The following DEXI variants were observed in gnomAD, a reference collection of about 807,000 sequenced individuals.
DEXI encodes dexamethasone-induced protein.
A neutral mutation model predicts 2.5 loss-of-function variants in DEXI; 2 were observed. The observed-to-expected ratio is 0.81, with a 90% CI of 0.33 to 2.55. DEXI has a LOEUF of 2.55. DEXI is among the 30% of genes most tolerant of loss of function. The pLI is 0.11. For synonymous variants in DEXI, 71 were observed against 68.7 expected (o/e 1.03, Z -0.17); for missense variants, 108 against 130.3 (o/e 0.83, Z 0.83).
rs1341189867 is a variant in DEXI, at chr16:10,929,221, A to G, written c.*488T>C. 4 of 985,700 alleles carry G rather than the reference A, an allele frequency of 4.1e-6. No individual in the cohort carries two copies. The African/African-American group carries it at 7.0e-5, about 17-fold the overall frequency. The allele number at this position is 985,700 out of a possible 1,614,324, so 61.1% of individuals were successfully genotyped here. On this transcript the variant is annotated 3_prime_UTR_variant, in exon 2 of 2. Transcript: ENST00000331808. The surrounding 1 kb of genome is among the most constrained non-coding windows in gnomAD (Gnocchi z 4.3). Reference sequence around the variant, plus strand: ...TGGCCTGAAGGCTCAACTCACATCAAACGGAGCTGGGAGTCGCTTTTGCGT... The same window carrying G: ...TGGCCTGAAGGCTCAACTCACATCAGACGGAGCTGGGAGTCGCTTTTGCGT...
chr16:10,941,601 G>C lies in DEXI; in HGVS notation c.*117C>G. On this transcript the variant is annotated 3_prime_UTR_variant, in exon 1 of 2. Transcript: ENST00000331808. This position sits in a 1 kb window ranked among gnomAD's most constrained non-coding sequence, Gnocchi z 6.4. ...GGAGGCAGGGGAGGGTCTCCTCCTG[G>C]GGAACCATCCCCGTCCAGATGGTGC... 6.7e-7 allele frequency: 1 copy of C among 1,487,450 alleles called. No individual in the cohort carries two copies. Among genetic ancestry groups the C allele is most frequent in the Non-Finnish European group, 8.9e-7 (1 of 1,119,958 alleles). The allele number at this position is 1,487,450 out of a possible 1,614,324, so 92.1% of individuals were successfully genotyped here.
In DEXI at chr16:10,929,926, G is replaced by C. The variant is rs938824889; in HGVS notation, c.*150-367C>G. 24 of 152,400 alleles carry C rather than the reference G, an allele frequency of 1.6e-4. No individual in the cohort carries two copies. Among genetic ancestry groups the C allele is most frequent in the African/African-American group, 5.3e-4 (22 of 41,548 alleles). 9.4% of individuals were successfully genotyped at this position (152,400 alleles called of 1,614,324 possible). ...AGGGCTGACTTGCAGCTCTGGGCCA[G>C]CTGAGCCAGCGCTGGGTAGTGGGCA... On this transcript the variant is annotated intron_variant, in intron 1 of 1. Coordinates refer to ENST00000331808, the MANE Select transcript of DEXI (RefSeq NM_014015.4). This position sits in a 1 kb window ranked among gnomAD's most constrained non-coding sequence, Gnocchi z 4.3.
intron 1 of DEXI, chr16:10,936,002 T>C (rs2145411677): frequency 6.6e-6 from 1 of 151,330 alleles, no homozygotes; most frequent in South Asian, 2.1e-4. Flanking sequence ...TTTTTTTTTT[T>C]CGTTTTGAGA....
rs2041056525 is a variant in DEXI, at chr16:10,938,255, C to T, written c.*149+3314G>A. ...AGCAGCATGCCCAAGGTCACAGCTA[C>T]CCTGGGATGTGAACCCAGGGCCCTG... On this transcript the variant is annotated intron_variant, in intron 1 of 1. Transcript: ENST00000331808. This position sits in a 1 kb window ranked among gnomAD's most constrained non-coding sequence, Gnocchi z 4.9. 1 of 152,086 alleles carries T rather than the reference C, an allele frequency of 6.6e-6. No individual in the cohort carries two copies. Among genetic ancestry groups the T allele is most frequent in the African/African-American group, 2.4e-5 (1 of 41,390 alleles). The allele number at this position is 152,086 out of a possible 1,614,324, so 9.4% of individuals were successfully genotyped here.
chr16:10,932,571 T>G (rs2040842837), intron 1 of DEXI: 1 of 151,894 alleles, frequency 6.6e-6, no homozygotes, highest in Non-Finnish European at 1.5e-5. Context: ...TTGGCTTCCC[T>G]GGGCCACAGT....
rs1596659788 is a variant in DEXI at position 10,937,429 on chromosome 16, T to G, written c.*149+4140A>C. 1 of 152,476 alleles carries G rather than the reference T, an allele frequency of 6.6e-6. No individual in the cohort carries two copies. The highest frequency in any genetic ancestry group is 2.1e-4 in the South Asian group (1 of 4,828). The allele number at this position is 152,476 out of a possible 1,614,324, so 9.4% of individuals were successfully genotyped here. A position where few individuals can be genotyped will look rare whatever the true frequency, so the allele number is the denominator to read the frequency against. ...TCTGCTGATAGCACAGGCCACAGAT[T>G]GGCAAGGAGGGACCAGGTTAGGAAG... On this transcript the variant is annotated intron_variant, in intron 1 of 1. Coordinates refer to ENST00000331808, the MANE Select transcript of DEXI (RefSeq NM_014015.4). The surrounding 1 kb of genome is among the most constrained non-coding windows in gnomAD (Gnocchi z 4.2).
In DEXI at chr16:10,939,591, A is replaced by AT. The variant is rs2041073682; in HGVS notation, c.*149+1977dup. The AT allele has an allele frequency of 6.6e-6, 1 of 152,184 alleles. No homozygotes were observed. The allele number at this position is 152,184 out of a possible 1,614,324, so 9.4% of individuals were successfully genotyped here. A position where few individuals can be genotyped will look rare whatever the true frequency, so the allele number is the denominator to read the frequency against. On this transcript the variant is annotated intron_variant, in intron 1 of 1. Coordinates refer to ENST00000331808, the MANE Select transcript of DEXI (RefSeq NM_014015.4). This position sits in a 1 kb window ranked among gnomAD's most constrained non-coding sequence, Gnocchi z 4.9. ...GCTTTTCTCCAGATCCTTCTATCAA[A>AT]TTAAGGCTCAGCTCAAAAGCATCAT...
intron 1 of DEXI, chr16:10,933,063 A>G (rs1471511795): frequency 3.3e-5 from 5 of 152,222 alleles, no homozygotes; most frequent in African/African-American, 1.2e-4. Context: ...GCTGGAGCTT[A>G]TAGAACCCAG....
chr16:10,930,333 G>A (rs1481797655), intron 1 of DEXI: 1 of 152,206 alleles, frequency 6.6e-6, no homozygotes, highest in Non-Finnish European at 1.5e-5. Context: ...TTTGGGGTAG[G>A]ACAATTCTTG....
At position 10,938,241 on chromosome 16, in the gene DEXI, C is replaced by G. The variant is rs1403717630; in HGVS notation, c.*149+3328G>C. The G allele has an allele frequency of 6.6e-6, 1 of 152,084 alleles. No homozygotes were observed. The highest frequency in any genetic ancestry group is 1.5e-5 in the Non-Finnish European group (1 of 68,026). The allele number at this position is 152,084 out of a possible 1,614,324, so 9.4% of individuals were successfully genotyped here. Reference sequence around the variant, plus strand: ...GTACAGGGAGGTTAAGCAGCATGCCCAAGGTCACAGCTACCCTGGGATGTG... The same window carrying G: ...GTACAGGGAGGTTAAGCAGCATGCCGAAGGTCACAGCTACCCTGGGATGTG... On this transcript the variant is annotated intron_variant, in intron 1 of 1. Coordinates refer to ENST00000331808, the MANE Select transcript of DEXI (RefSeq NM_014015.4). This position sits in a 1 kb window ranked among gnomAD's most constrained non-coding sequence, Gnocchi z 4.9.
At position 10,929,458 on chromosome 16, in the gene DEXI, G is replaced by A; in HGVS notation, c.*251C>T. On this transcript the variant is annotated 3_prime_UTR_variant, in exon 2 of 2. Coordinates refer to ENST00000331808, the MANE Select transcript of DEXI (RefSeq NM_014015.4). The surrounding 1 kb of genome is among the most constrained non-coding windows in gnomAD (Gnocchi z 4.3). ...TTGCGTTCCCCCTTCTGTGGGAGCA[G>A]GTGCCTTCCCAACCTCAGCACTCAG... The A allele has an allele frequency of 1.0e-6, 1 of 985,790 alleles. No homozygotes were observed. 61.1% of individuals were successfully genotyped at this position (985,790 alleles called of 1,614,324 possible).
chr16:10,941,901 G>T lies in DEXI; in HGVS notation c.105C>A (p.Phe35Leu). ...CGTAGTACAGGATCAGCACATTGAC[G>T]AAGAACAGGCCCACGTAGAACATAG... ...LPSMFYVGLF[F>L]VNVLILYYAF... Residue 35 changes from phenylalanine to leucine, a missense_variant, in exon 1 of 2, where the codon TTC becomes TTA. By Grantham distance (22) the Phe-to-Leu change is conservative. Transcript: ENST00000331808. This position sits in a 1 kb window ranked among gnomAD's most constrained non-coding sequence, Gnocchi z 6.4. 1 of 1,609,038 alleles carries T rather than the reference G, an allele frequency of 6.2e-7. No individual in the cohort carries two copies.
chr16:10,929,736 C>T lies in DEXI; in HGVS notation c.*150-177G>A, dbSNP rs2040696430. The T allele has an allele frequency of 5.5e-6, 1 of 181,562 alleles. No homozygotes were observed. The highest frequency in any genetic ancestry group is 1.1e-5 in the Non-Finnish European group (1 of 95,010). 11.2% of individuals were successfully genotyped at this position (181,562 alleles called of 1,614,324 possible). A position where few individuals can be genotyped will look rare whatever the true frequency, so the allele number is the denominator to read the frequency against. On this transcript the variant is annotated intron_variant, in intron 1 of 1. Coordinates refer to ENST00000331808, the MANE Select transcript of DEXI (RefSeq NM_014015.4). This position sits in a 1 kb window ranked among gnomAD's most constrained non-coding sequence, Gnocchi z 4.3. ...AGCCCCAGACTCAGGCTGAAAATGT[C>T]TTTCTGCAAATATAAAACTCTTTTT...
chr16:10,941,690 A>C lies in DEXI; in HGVS notation c.*28T>G. The C allele has an allele frequency of 6.3e-7, 1 of 1,583,240 alleles. No individual in the cohort carries two copies. Among genetic ancestry groups the C allele is most frequent in the Non-Finnish European group, 8.6e-7 (1 of 1,163,498 alleles). ...CCAGGGCATGGGTTGCGGATCGTGT[A>C]GGGAAGAGGGGAACAGCAGTCGAGA... On this transcript the variant is annotated 3_prime_UTR_variant, in exon 1 of 2. Transcript: ENST00000331808. The surrounding 1 kb of genome is among the most constrained non-coding windows in gnomAD (Gnocchi z 6.4).
chr16:10,936,526 C>T (rs953791337), intron 1 of DEXI: 1 of 152,202 alleles, frequency 6.6e-6, no homozygotes, highest in Non-Finnish European at 1.5e-5. Context: ...CTAACTGGTG[C>T]AACTGGTGAG....
intron 1 of DEXI, chr16:10,933,092 C>T (rs1187407740): frequency 6.6e-6 from 1 of 152,180 alleles, no homozygotes; most frequent in African/African-American, 2.4e-5. Context: ...GTTCTCCAAC[C>T]TTCTGACATC....
chr16:10,933,885 C>G (rs962500976), intron 1 of DEXI: 4 of 152,220 alleles, frequency 2.6e-5, no homozygotes, highest in African/African-American at 9.6e-5. Flanking sequence ...GGCTATGTGG[C>G]AGGAGGGTCT....
chr16:10,930,836 G>A (rs1229532032), intron 1 of DEXI: 1 of 152,210 alleles, frequency 6.6e-6, no homozygotes, highest in Non-Finnish European at 1.5e-5. Flanking sequence ...TTGGTCCTCA[G>A]GCTGTAAGTG....
chr16:10,938,495 CAT>C lies in DEXI; in HGVS notation c.*149+3072_*149+3073del, dbSNP rs1208865447. The C allele has an allele frequency of 1.3e-5, 2 of 152,276 alleles. No homozygotes were observed. The highest frequency in any genetic ancestry group is 3.9e-4 in the East Asian group (2 of 5,186). The allele number at this position is 152,276 out of a possible 1,614,324, so 9.4% of individuals were successfully genotyped here. On this transcript the variant is annotated intron_variant, in intron 1 of 1. Transcript: ENST00000331808. The surrounding 1 kb of genome is among the most constrained non-coding windows in gnomAD (Gnocchi z 4.9). Reference sequence around the variant, plus strand: ...TTCCTGGATTGGCGTGTGGGGAACACATGTGACCACATGAGAATGGCTGAGAA... The same window carrying C: ...TTCCTGGATTGGCGTGTGGGGAACACGTGACCACATGAGAATGGCTGAGAA...
Sources: gnomAD v4.1 joint callset for allele counts on GRCh38, gnomAD v4.1.1 for gene constraint, Gnocchi (gnomAD v3.1) non-coding constraint, MANE v1.5 for transcripts, NCBI Gene and HGNC (gene_info 2026-07-23, HGNC 2026-07-21) for gene names.